The following SLC35E2B variants were observed in gnomAD, a reference collection of about 807,000 sequenced individuals.
SLC35E2B encodes solute carrier family 35 member E2B.
In SLC35E2B, 18 loss-of-function variants were observed where a neutral mutation model predicts 32.4. That is an observed-to-expected ratio of 0.56 (90% CI 0.38 to 0.82). The LOEUF (loss-of-function observed/expected upper bound fraction) is 0.82, where lower values mean the gene tolerates loss of function less well. Ranked by LOEUF, SLC35E2B falls within the 40% of genes least tolerant of loss-of-function variation. The pLI is 0.00. For synonymous variants in SLC35E2B, 132 were observed against 209.1 expected, an observed-to-expected ratio of 0.63 and a Z score of 3.18; for missense variants, 263 against 469.5, an observed-to-expected ratio of 0.56 and a Z score of 4.06.
At chr1:1,682,845 G>A (rs1022354263) in intron 2 of SLC35E2B, among the ~76,000 whole-genome samples, 15 of 152,088 alleles carry the variant, frequency 9.9e-5, no homozygotes, top group African/African-American at 3.1e-4. Context: ...GCACTTTGGA[G>A]GCAGGTGGAT....
At chr1:1,687,179 G>A (rs1255508056) in intron 2 of SLC35E2B, among the ~76,000 whole-genome samples, 4 of 152,196 alleles carry the variant, frequency 2.6e-5, no homozygotes, top group Non-Finnish European at 5.9e-5. Context: ...GCGGACGGGC[G>A]ACACGCACGC....
intron 3 of SLC35E2B, 49 bp from the exon 4 acceptor site, chr1:1,676,248 TG>T: frequency 1.8e-6 from 1 of 558,226 alleles, no homozygotes; most frequent in Non-Finnish European, 3.1e-6. Context: ...ACCCCTCCCA[TG>T]CCTGCAGTGG....
At chr1:1,667,728 G>A (rs192804572) in intron 9 of SLC35E2B, among the ~76,000 whole-genome samples, 5 of 152,246 alleles carry the variant, frequency 3.3e-5, no homozygotes, top group African/African-American at 9.6e-5. Flanking sequence ...CGCAACGCCC[G>A]ACTATTCTAG....
At chr1:1,669,873 G>T in intron 7 of SLC35E2B, 137 bp from the exon 8 acceptor site, 1 of 1,003,666 alleles carries the variant, frequency 1.0e-6, no homozygotes, top group Non-Finnish European at 1.5e-6. Context: ...GGGTGCTGCA[G>T]CTTCCCAGAA....
chr1:1,675,620 T>C (rs1373797636), intron 4 of SLC35E2B, 30 bp from the exon 5 acceptor site: 1 of 1,498,506 alleles, frequency 6.7e-7, no homozygotes. Flanking sequence ...ACCATCACCT[T>C]AGAACGAGTC....
intron 2 of SLC35E2B, among the ~76,000 whole-genome samples, chr1:1,686,321 CTTTTTTTTTTTTT>C (rs375495225): frequency 2.4e-4 from 31 of 127,790 alleles, no homozygotes; most frequent in South Asian, 5.0e-4. Context: ...CTTTTTTTTT[CTTTTTTTTTTTTT>C]TTTTTGCTGA....
At position 1,662,709 on chromosome 1, in the gene SLC35E2B, A is replaced by T. The variant is rs1643436551; in HGVS notation, c.*3073T>A. On this transcript the variant is annotated 3_prime_UTR_variant, in exon 10 of 10. Transcript: ENST00000617444. ...ACCTTTTTATGCCTTTCAGTAGGGG[A>T]AGTTTCCTTGAAAGAGAGCTGCAAA... The T allele has an allele frequency of 1.3e-6, 1 of 744,698 alleles. No individual in the cohort carries two copies. The highest frequency in any genetic ancestry group is 1.6e-6 in the Non-Finnish European group (1 of 611,622). The allele number at this position is 744,698 out of a possible 1,614,324, so 46.1% of individuals were successfully genotyped here.
chr1:1,687,981 C>G (rs561569423), intron 2 of SLC35E2B, among the ~76,000 whole-genome samples: 2 of 152,188 alleles, frequency 1.3e-5, no homozygotes, highest in Non-Finnish European at 2.9e-5. Flanking sequence ...GACTGACTCT[C>G]GGGCTGTGGT....
chr1:1,685,591 A>T (rs1175521132), intron 2 of SLC35E2B, among the ~76,000 whole-genome samples: 2 of 152,006 alleles, frequency 1.3e-5, no homozygotes, highest in Admixed American at 1.3e-4. Flanking sequence ...AAAAATAATT[A>T]AATCAACAAG....
chr1:1,669,352 CTT>C (rs1340456946), intron 8 of SLC35E2B, among the ~76,000 whole-genome samples: 3 of 150,964 alleles, frequency 2.0e-5, no homozygotes, highest in Non-Finnish European at 2.9e-5. Context: ...GAGCGAGACT[CTT>C]TATAAAAATA....
chr1:1,679,105 C>G (rs1003068964), intron 2 of SLC35E2B, among the ~76,000 whole-genome samples: 1 of 152,094 alleles, frequency 6.6e-6, no homozygotes, highest in Non-Finnish European at 1.5e-5. Context: ...GTCACAGCAC[C>G]CGCTACACAG....
chr1:1,670,185 T>C (rs1220136448), intron 6 of SLC35E2B, 34 bp from the exon 7 acceptor site: 2 of 1,462,846 alleles, frequency 1.4e-6, no homozygotes, highest in Admixed American at 3.9e-5. Flanking sequence ...GCATCAATAC[T>C]AGTCCTCGGC....
At chr1:1,669,336 G>C (rs1307629864) in intron 8 of SLC35E2B, among the ~76,000 whole-genome samples, 1 of 151,476 alleles carries the variant, frequency 6.6e-6, no homozygotes, top group South Asian at 2.1e-4. Context: ...TCCAGCCTGG[G>C]ATACAGAGCG....
chr1:1,689,946 C>T (rs1019660537), intron 2 of SLC35E2B, among the ~76,000 whole-genome samples: 15 of 148,056 alleles, frequency 1.0e-4, no homozygotes, highest in South Asian at 4.3e-4. Context: ...CAGACTGCGC[C>T]GCTGCACTCC....
intron 2 of SLC35E2B, among the ~76,000 whole-genome samples, chr1:1,690,280 C>CAAAAAAAAAAA (rs751562734): frequency 3.8e-5 from 2 of 52,030 alleles, no homozygotes; most frequent in African/African-American, 1.4e-4. Context: ...AACTCTGTCT[C>CAAAAAAAAAAA]AAAAAAAAAA....
At chr1:1,679,385 C>A (rs1008075353) in intron 2 of SLC35E2B, among the ~76,000 whole-genome samples, 4 of 152,052 alleles carry the variant, frequency 2.6e-5, no homozygotes, top group Admixed American at 1.3e-4. Context: ...GACCCCCATT[C>A]CCCTTCTCTG....
intron 8 of SLC35E2B, among the ~76,000 whole-genome samples, chr1:1,668,676 T>G (rs1420806672): frequency 2.0e-5 from 3 of 152,200 alleles, no homozygotes; most frequent in Non-Finnish European, 4.4e-5. Context: ...TTATTATTTT[T>G]TGCACTAATT....
intron 2 of SLC35E2B, among the ~76,000 whole-genome samples, chr1:1,682,499 C>A (rs544175129): frequency 1.3e-5 from 2 of 152,112 alleles, no homozygotes; most frequent in Non-Finnish European, 2.9e-5. Flanking sequence ...CCCACCGGAG[C>A]GGGGGAAGAC....
intron 2 of SLC35E2B, among the ~76,000 whole-genome samples, chr1:1,677,564 G>A (rs1321283735): frequency 6.7e-6 from 1 of 148,686 alleles, no homozygotes; most frequent in East Asian, 2.0e-4. Context: ...TGCAAGCTCC[G>A]CCTCCCGGGT....
Sources: gnomAD v4.1 joint callset for allele counts (sites outside exome capture counted in the v4.1 genomes callset) on GRCh38, gnomAD v4.1.1 for gene constraint, MANE v1.5 for transcripts, NCBI Gene and HGNC (gene_info 2026-07-23, HGNC 2026-07-21) for gene names.